The following SPTBN4 variants were observed in gnomAD, a reference collection of about 807,000 sequenced individuals.
SPTBN4 encodes the protein spectrin beta chain, non-erythrocytic 4.
A neutral mutation model predicts 277.8 loss-of-function variants in SPTBN4; 96 were observed. The ratio of observed to expected loss-of-function variants is 0.35; its 90% CI spans 0.29 to 0.41. The LOEUF is 0.41. SPTBN4 is among the 10% of genes least tolerant of loss of function. SPTBN4 has a pLI of 1.00. For synonymous variants in SPTBN4, 1,481 were observed against 1,580.3 expected (o/e 0.94, Z 1.49); for missense variants, 3,006 against 3,595.7 (o/e 0.84, Z 4.19).
At chr19:40,555,489 C>CAAAAAAAAAAAAAAAAA (rs56045928) in intron 24 of SPTBN4, among the ~76,000 whole-genome samples, 1 of 74,904 alleles carries the variant, frequency 1.3e-5, no homozygotes, top group Non-Finnish European at 2.4e-5. Context: ...GACTCCGTCT[C>CAAAAAAAAAAAAAAAAA]AAAAAAAAAA....
rs534447817 is a variant in SPTBN4 at position 40,477,211 on chromosome 19, CTTA to C, written c.169+4427_169+4429del. 4.9e-4 allele frequency among the ~76,000 whole-genome samples: 75 copies of C among 151,902 alleles called. 1 individual carries two copies. The highest frequency in any genetic ancestry group is 1.7e-3 in the African/African-American group (72 of 41,422). On this transcript the variant is annotated intron_variant, in intron 2 of 35. Transcript: ENST00000598249. The stretch of plus-strand genomic sequence containing the variant: ...TGCACCATCATGCCCAGCTAATTTT[CTTA>C]TTATTTTATTTTTTTATAGAGACAG...
chr19:40,525,320 CT>C (rs34066431), intron 17 of SPTBN4, among the ~76,000 whole-genome samples: 22,984 of 130,522 alleles, frequency 0.18, 2,423 homozygotes, highest in African/African-American at 0.35. Context: ...CTTTGTTCCA[CT>C]TTTTTTTTTT....
intron 27 of SPTBN4, among the ~76,000 whole-genome samples, chr19:40,563,089 G>T (rs947019808): frequency 6.6e-6 from 1 of 152,002 alleles, no homozygotes; most frequent in East Asian, 1.9e-4. Flanking sequence ...GTGCATGCCT[G>T]TTGTCCCAGC....
chr19:40,534,201 T>C lies in SPTBN4; in HGVS notation c.4217T>C (p.Leu1406Pro). The C allele has an allele frequency of 6.2e-7, 1 of 1,614,004 alleles. No individual in the cohort carries two copies. Among genetic ancestry groups the C allele is most frequent in the Non-Finnish European group, 8.5e-7 (1 of 1,179,904 alleles). ...ESTTQAKARQ[L>P]FEASKADQLV... ...ACCACCCAGGCCAAGGCACGGCAGC[T>C]CTTTGAGGCCAGCAAAGCAGACCAG... Residue 1406 changes from leucine (L) to proline (P), a missense_variant, in exon 20 of 36, where the codon CTC (leucine) becomes CCC (proline). Around this residue, in one of 5 missense-constraint regions of SPTBN4, gnomAD observed 1,759 missense variants for 2,061.5 expected, o/e 0.85. Coordinates refer to ENST00000598249, the MANE Select transcript of SPTBN4 (RefSeq NM_020971.3).
At position 40,515,812 on chromosome 19, in the gene SPTBN4, C is replaced by T. The variant is rs1405656745; in HGVS notation, c.2903+364C>T. On this transcript the variant is annotated intron_variant, in intron 15 of 35. Transcript: ENST00000598249. The surrounding 1 kb of genome is among the most constrained non-coding windows in gnomAD (Gnocchi z 4.1). ...CTGAGATGGGTGGATCACTTGAGCT[C>T]ATGAATTCAAGACCAGCCTGGGCAA... Among the ~76,000 whole-genome samples, 7 of 151,314 alleles carry T rather than the reference C, an allele frequency of 4.6e-5. No individual in the cohort carries two copies. Among genetic ancestry groups the T allele is most frequent in the Non-Finnish European group, 1.5e-5 (1 of 67,890 alleles).
At chr19:40,571,905 C>T (rs559551162) in intron 33 of SPTBN4, 114 bp from the exon 34 acceptor site, 18 of 1,271,876 alleles carry the variant, frequency 1.4e-5, no homozygotes, top group East Asian at 1.0e-4. Flanking sequence ...GCAACTAGGG[C>T]GCAAAGGTCC....
intron 17 of SPTBN4, among the ~76,000 whole-genome samples, chr19:40,524,310 G>C (rs1376669933): frequency 6.6e-6 from 1 of 150,838 alleles, no homozygotes; most frequent in Non-Finnish European, 1.5e-5. Context: ...TTCCAGACCA[G>C]CCTGGGCAAC....
chr19:40,574,688 C>A (rs1209350467), intron 35 of SPTBN4, among the ~76,000 whole-genome samples: 1 of 152,148 alleles, frequency 6.6e-6, no homozygotes, highest in Non-Finnish European at 1.5e-5. Context: ...CCACTACATG[C>A]CTTCTTTTAC....
At chr19:40,575,326 G>A in intron 35 of SPTBN4, 85 bp from the exon 36 acceptor site, 1 of 1,444,014 alleles carries the variant, frequency 6.9e-7, no homozygotes. Context: ...CTGAATTTCA[G>A]AGAGGGTAGT....
At chr19:40,544,867 G>T (rs2445882) in intron 20 of SPTBN4, among the ~76,000 whole-genome samples, 66,588 of 150,908 alleles carry the variant, frequency 0.44, 15,473 homozygotes, top group African/African-American at 0.5. Context: ...TAGCTGTGTT[G>T]CCCAGGCTGG....
chr19:40,546,978 G>T (rs2080866246), intron 20 of SPTBN4, among the ~76,000 whole-genome samples: 1 of 152,134 alleles, frequency 6.6e-6, no homozygotes, highest in Non-Finnish European at 1.5e-5. Flanking sequence ...TTTACAGTTT[G>T]TCATTTGCCT....
intron 2 of SPTBN4, among the ~76,000 whole-genome samples, chr19:40,484,426 A>C (rs2080046015): frequency 6.6e-6 from 1 of 152,206 alleles, no homozygotes; most frequent in Non-Finnish European, 1.5e-5. Context: ...TTCACAGTAC[A>C]GTGGCTTAAT....
intron 20 of SPTBN4, 30 bp downstream of exon 20, chr19:40,534,373 C>T (rs969428403): frequency 5.0e-6 from 8 of 1,602,918 alleles, no homozygotes; most frequent in African/African-American, 1.3e-5. Context: ...GATGAGGGCT[C>T]CCTATGCCAC....
At position 40,507,329 on chromosome 19, in the gene SPTBN4, T is replaced by C. The variant is rs1024606553; in HGVS notation, c.1816+943T>C. Among the ~76,000 whole-genome samples, 14 of 142,064 alleles carry C rather than the reference T, an allele frequency of 9.9e-5. No homozygotes were observed. The Admixed American group carries it at 1.0e-3, about 10-fold the overall frequency. 93.2% of individuals were successfully genotyped at this position (142,064 alleles called of 152,430 possible). On this transcript the variant is annotated intron_variant, in intron 13 of 35. Coordinates refer to ENST00000598249, the MANE Select transcript of SPTBN4 (RefSeq NM_020971.3). ...AGACCCTGTCAGCAAAAAAATAAAA[T>C]AAAAAAAAAAAAAGTCTGGGGAAGG...
At chr19:40,494,646 T>C (rs1363283023) in intron 5 of SPTBN4, among the ~76,000 whole-genome samples, 1 of 152,128 alleles carries the variant, frequency 6.6e-6, no homozygotes, top group East Asian at 1.9e-4. Context: ...CTATCACCTA[T>C]TTATCATCTA....
In SPTBN4 at chr19:40,534,200, C is replaced by T. The variant is rs1419762825; in HGVS notation, c.4216C>T (p.Leu1406Phe). ...CACCACCCAGGCCAAGGCACGGCAG[C>T]TCTTTGAGGCCAGCAAAGCAGACCA... ...ESTTQAKARQ[L>F]FEASKADQLV... The change falls in exon 20 of 36, where the codon CTC (leucine) becomes TTC (phenylalanine). Residue 1406 changes from leucine (L) to phenylalanine (F), a missense_variant. Transcript: ENST00000598249. 6.2e-7 allele frequency: 1 copy of T among 1,613,862 alleles called. No homozygotes were observed. The highest frequency in any genetic ancestry group is 8.5e-7 in the Non-Finnish European group (1 of 1,179,912).
intron 6 of SPTBN4, among the ~76,000 whole-genome samples, chr19:40,495,886 A>G (rs947199070): frequency 7.2e-5 from 11 of 151,998 alleles, no homozygotes; most frequent in African/African-American, 2.4e-4. Flanking sequence ...TGAAGCCAGA[A>G]CCCAGCTTTT....
At chr19:40,508,118 A>C (rs1015060053) in intron 13 of SPTBN4, among the ~76,000 whole-genome samples, 2 of 152,232 alleles carry the variant, frequency 1.3e-5, no homozygotes, top group Admixed American at 6.5e-5. Context: ...AATCGGCCAC[A>C]TGCATGTGAC....
rs889156513 is a variant in SPTBN4 at position 40,566,034 on chromosome 19, G to A, written c.6140-129G>A. ...AATAGCCCCAGCCTCTGCCATTCCT[G>A]CAGAGCCCAGGATGGTCAGGGCTCG... On this transcript the variant is annotated intron_variant, in intron 29 of 35. Transcript: ENST00000598249. 9.1e-6 allele frequency: 9 copies of A among 988,492 alleles called. No homozygotes were observed. The African/African-American group carries it at 9.9e-5, about 11-fold the overall frequency. The allele number at this position is 988,492 out of a possible 1,614,324, so 61.2% of individuals were successfully genotyped here. A position where few individuals can be genotyped will look rare whatever the true frequency, so the allele number is the denominator to read the frequency against.
Sources: gnomAD v4.1 joint callset for allele counts (sites outside exome capture counted in the v4.1 genomes callset) on GRCh38, gnomAD v4.1.1 for gene constraint, gnomAD v4.1.1 regional missense constraint, Gnocchi (gnomAD v3.1) non-coding constraint, MANE v1.5 for transcripts, NCBI Gene and HGNC (gene_info 2026-07-23, HGNC 2026-07-21) for gene names.